The following VWC2L variants were observed in gnomAD, a reference collection of about 807,000 sequenced individuals.
The protein encoded by VWC2L is von Willebrand factor C domain-containing protein 2-like.
VWC2L carries 10 observed loss-of-function variants against 21.6 expected under a neutral mutation model. The ratio of observed to expected loss-of-function variants is 0.46; its 90% CI spans 0.29 to 0.78. The LOEUF (loss-of-function observed/expected upper bound fraction) is 0.78, where lower values mean the gene tolerates loss of function less well. Ranked by LOEUF, VWC2L falls within the 30% of genes least tolerant of loss-of-function variation. The pLI is 0.10. For missense variants in VWC2L, 209 were observed against 277.1 expected (o/e 0.75, Z 1.74); for synonymous variants, 96 against 94.3 (o/e 1.02, Z -0.10).
At chr2:214,446,234 T>G (rs1304143809) in intron 3 of VWC2L, among the ~76,000 whole-genome samples, 2 of 152,188 alleles carry the variant, frequency 1.3e-5, no homozygotes, top group Non-Finnish European at 2.9e-5. Context: ...CCTGAAGCAG[T>G]TCATGATGCA....
chr2:214,424,341 G>A (rs1335448263), intron 2 of VWC2L, among the ~76,000 whole-genome samples: 1 of 152,124 alleles, frequency 6.6e-6, no homozygotes, highest in East Asian at 1.9e-4. Flanking sequence ...GTACACGTTA[G>A]TATACTGAGA....
chr2:214,560,241 C>T (rs1315186161), intron 3 of VWC2L, among the ~76,000 whole-genome samples: 1 of 152,194 alleles, frequency 6.6e-6, no homozygotes, highest in Non-Finnish European at 1.5e-5. Context: ...GAAATGTTAG[C>T]AGGGCATCTT....
chr2:214,480,705 C>G (rs1398912318), intron 3 of VWC2L, among the ~76,000 whole-genome samples: 1 of 151,804 alleles, frequency 6.6e-6, no homozygotes, highest in African/African-American at 2.4e-5. Context: ...CATCTGCACT[C>G]CAAGCTCCAG....
At chr2:214,451,316 G>GT (rs1393073474) in intron 3 of VWC2L, among the ~76,000 whole-genome samples, 1 of 149,532 alleles carries the variant, frequency 6.7e-6, no homozygotes. Flanking sequence ...TGTGGGGGGG[G>GT]GGGGCAGTAA....
intron 3 of VWC2L, among the ~76,000 whole-genome samples, chr2:214,462,808 G>T (rs1056831053): frequency 6.6e-6 from 1 of 151,968 alleles, no homozygotes; most frequent in Non-Finnish European, 1.5e-5. Flanking sequence ...TTCTGCTTTA[G>T]TATCATTCTG....
At chr2:214,454,866 T>A (rs1008147194) in intron 3 of VWC2L, among the ~76,000 whole-genome samples, 3 of 152,078 alleles carry the variant, frequency 2.0e-5, no homozygotes, top group Non-Finnish European at 2.9e-5. Flanking sequence ...CCTCCCAAAG[T>A]GCTGGGATTA....
intron 3 of VWC2L, among the ~76,000 whole-genome samples, chr2:214,532,334 G>A (rs971420515): frequency 3.3e-5 from 5 of 151,954 alleles, no homozygotes; most frequent in Non-Finnish European, 5.9e-5. Context: ...TTTGCTTTGC[G>A]CACATGGATA....
Position 214,447,239 on chromosome 2 carries a change from C to T in VWC2L, c.520+10481C>T, listed in dbSNP as rs564962352. Reference sequence around the variant, plus strand: ...CCAGAGAGGTTCAAACCACTGGCTACGGGAGAGCCTCATTGAAGGTGCAAT... The same window carrying T: ...CCAGAGAGGTTCAAACCACTGGCTATGGGAGAGCCTCATTGAAGGTGCAAT... On this transcript the variant is annotated intron_variant, in intron 3 of 3. Transcript: ENST00000312504. Among the ~76,000 whole-genome samples, 31 of 152,222 alleles carry T rather than the reference C, an allele frequency of 2.0e-4. No individual in the cohort carries two copies. In the South Asian group the frequency reaches 5.4e-3, roughly 27 times the overall value.
At chr2:214,499,998 T>A (rs1487924401) in intron 3 of VWC2L, among the ~76,000 whole-genome samples, 1 of 152,194 alleles carries the variant, frequency 6.6e-6, no homozygotes, top group Non-Finnish European at 1.5e-5. Flanking sequence ...GCTGTGGATC[T>A]TTGAGTAGAA....
At chr2:214,566,636 A>G (rs1039224604) in intron 3 of VWC2L, among the ~76,000 whole-genome samples, 2 of 152,130 alleles carry the variant, frequency 1.3e-5, no homozygotes, top group African/African-American at 4.8e-5. Context: ...GGGATGAGTG[A>G]GTAAAATCAG....
At chr2:214,495,907 AT>A (rs1253121519) in intron 3 of VWC2L, among the ~76,000 whole-genome samples, 1 of 152,120 alleles carries the variant, frequency 6.6e-6, no homozygotes. Context: ...GTCAGTTCAG[AT>A]TTTTTTGAGC....
At chr2:214,509,464 T>C (rs1689019622) in intron 3 of VWC2L, among the ~76,000 whole-genome samples, 1 of 52,894 alleles carries the variant, frequency 1.9e-5, no homozygotes, top group Non-Finnish European at 5.9e-5. Flanking sequence ...ACTTTGCTAC[T>C]TAAAAAAAAA....
At chr2:214,529,926 C>T (rs1275782718) in intron 3 of VWC2L, among the ~76,000 whole-genome samples, 1 of 152,140 alleles carries the variant, frequency 6.6e-6, no homozygotes, top group Admixed American at 6.6e-5. Flanking sequence ...CCAGAAGCCT[C>T]CATCACTAAG....
chr2:214,514,392 G>A (rs1302268482), intron 3 of VWC2L, among the ~76,000 whole-genome samples: 3 of 151,012 alleles, frequency 2.0e-5, no homozygotes, highest in Admixed American at 1.3e-4. Context: ...TATAATATCA[G>A]GGCAAATTTT....
At chr2:214,446,964 TA>T (rs1378467352) in intron 3 of VWC2L, among the ~76,000 whole-genome samples, 1 of 152,166 alleles carries the variant, frequency 6.6e-6, no homozygotes, top group Non-Finnish European at 1.5e-5. Flanking sequence ...AAACTATTCT[TA>T]AACCTCGTTC....
At chr2:214,516,322 C>T (rs1466914290) in intron 3 of VWC2L, among the ~76,000 whole-genome samples, 1 of 152,116 alleles carries the variant, frequency 6.6e-6, no homozygotes, top group African/African-American at 2.4e-5. Flanking sequence ...CATCCCCTGC[C>T]TCCTAAGCTT....
intron 3 of VWC2L, among the ~76,000 whole-genome samples, chr2:214,486,878 G>T (rs1428135232): frequency 1.3e-5 from 2 of 152,194 alleles, no homozygotes; most frequent in African/African-American, 2.4e-5. Context: ...GAAATTTAGT[G>T]TTACGAGCTA....
intron 3 of VWC2L, among the ~76,000 whole-genome samples, chr2:214,572,162 T>C (rs1213907031): frequency 6.6e-6 from 1 of 152,224 alleles, no homozygotes; most frequent in Non-Finnish European, 1.5e-5. Context: ...TTCTCAGTCC[T>C]CTGAAGAATT....
Position 214,508,410 on chromosome 2 carries a change from C to T in VWC2L, c.521-67262C>T, listed in dbSNP as rs887460550. 5.9e-5 allele frequency among the ~76,000 whole-genome samples: 9 copies of T among 152,328 alleles called. No individual in the cohort carries two copies. In the South Asian group the frequency reaches 1.9e-3, roughly 32 times the overall value. ...TTTCATCCCACATTTTCCCTGTCTA[C>T]TCCCAAACTGCCATTTCTACTTTTT... On this transcript the variant is annotated intron_variant, in intron 3 of 3. Coordinates refer to ENST00000312504, the MANE Select transcript of VWC2L (RefSeq NM_001080500.4).
Sources: gnomAD v4.1 joint callset for allele counts (sites outside exome capture counted in the v4.1 genomes callset) on GRCh38, gnomAD v4.1.1 for gene constraint, MANE v1.5 for transcripts, NCBI Gene and HGNC (gene_info 2026-07-23, HGNC 2026-07-21) for gene names.